QSER1: variants seen among roughly 807,000 people sequenced by gnomAD.
QSER1 encodes glutamine and serine-rich protein 1.
A neutral mutation model predicts 158.5 loss-of-function variants in QSER1; 49 were observed. The ratio of observed to expected loss-of-function variants is 0.31; its 90% CI spans 0.25 to 0.39. The LOEUF is 0.39. Among genes scored for constraint, QSER1 ranks in the 10% least tolerant of loss-of-function variants. The pLI, the probability that QSER1 is intolerant of heterozygous loss-of-function variation, is 1.00. For synonymous variants in QSER1, 650 were observed against 715.5 expected, an observed-to-expected ratio of 0.91 and a Z score of 1.46; for missense variants, 1,754 against 2,010.3, an observed-to-expected ratio of 0.87 and a Z score of 2.44.
Position 32,934,021 on chromosome 11 carries a change from A to C in QSER1, c.2763A>C (p.Glu921Asp). 6.2e-7 allele frequency: 1 copy of C among 1,613,678 alleles called. No individual in the cohort carries two copies. Among genetic ancestry groups the C allele is most frequent in the Non-Finnish European group, 8.5e-7 (1 of 1,179,886 alleles). Reference sequence around the variant, plus strand: ...AGCAACTCCATCCTCAAAATTCTGAAGTTATGAAAATGGACCTCTCTGAGT... The same window carrying C: ...AGCAACTCCATCCTCAAAATTCTGACGTTATGAAAATGGACCTCTCTGAGT... ...SQQQLHPQNS[E>D]VMKMDLSESS... The change falls in exon 4 of 13, where the codon GAA becomes GAC. Residue 921 changes from glutamate to aspartate, a missense_variant. Physicochemically the swap from Glu to Asp is conservative, Grantham distance 45. Coordinates refer to ENST00000650167, the MANE Select transcript of QSER1 (RefSeq NM_001076786.3).
chr11:32,930,234 G>A (rs1447048420), intron 3 of QSER1, among the ~76,000 whole-genome samples: 1 of 152,146 alleles, frequency 6.6e-6, no homozygotes, highest in East Asian at 1.9e-4. Context: ...AATATCACTT[G>A]ACCCTCAGCA....
Position 32,979,066 on chromosome 11 carries a change from T to A in QSER1, c.*2592T>A, listed in dbSNP as rs966660365. ...ACTGTAGGCAGTTGTAACACAATGG[T>A]ATTTGTGTATCTAGACATAGAAAAC... On this transcript the variant is annotated 3_prime_UTR_variant, in exon 13 of 13. Transcript: ENST00000650167. 1 of 152,352 alleles carries A rather than the reference T, an allele frequency of 6.6e-6. No homozygotes were observed. The highest frequency in any genetic ancestry group is 1.5e-5 in the Non-Finnish European group (1 of 68,044). The allele number at this position is 152,352 out of a possible 1,614,324, so 9.4% of individuals were successfully genotyped here.
At chr11:32,904,189 CTTTTTTTT>C (rs370789790) in intron 1 of QSER1, among the ~76,000 whole-genome samples, 6 of 137,230 alleles carry the variant, frequency 4.4e-5, no homozygotes, top group Admixed American at 2.9e-4. Flanking sequence ...ATTTCTTTTT[CTTTTTTTT>C]TTTTTTTTGT....
chr11:32,968,095 G>A (rs1852782389), intron 9 of QSER1, among the ~76,000 whole-genome samples: 1 of 152,028 alleles, frequency 6.6e-6, no homozygotes, highest in African/African-American at 2.4e-5. Context: ...GCTTATCAGT[G>A]TTTTCTGATT....
In QSER1 at chr11:32,904,267, A is replaced by G. The variant is rs1224953711; in HGVS notation, c.209+10933A>G. 3.3e-5 allele frequency among the ~76,000 whole-genome samples: 5 copies of G among 149,260 alleles called. 1 individual carries two copies. Among genetic ancestry groups the G allele is most frequent in the Non-Finnish European group, 7.4e-5 (5 of 67,686 alleles). On this transcript the variant is annotated intron_variant, in intron 1 of 12. Coordinates refer to ENST00000650167, the MANE Select transcript of QSER1 (RefSeq NM_001076786.3). ...GAGTGCAGTGGTGCAATCTCAGCTC[A>G]CTGCAACCTCCAACTCCCAGGTTCA... is the stretch of plus-strand genomic sequence containing the variant.
At chr11:32,912,585 G>T (rs891593975) in intron 1 of QSER1, among the ~76,000 whole-genome samples, 2 of 151,900 alleles carry the variant, frequency 1.3e-5, no homozygotes, top group African/African-American at 4.8e-5. Flanking sequence ...AAACTAACCA[G>T]GCGATGCTGA....
chr11:32,895,504 A>G (rs918154256), intron 1 of QSER1, among the ~76,000 whole-genome samples: 9 of 152,240 alleles, frequency 5.9e-5, no homozygotes, highest in African/African-American at 2.2e-4. Flanking sequence ...AAGTCTAAAT[A>G]TTCTACACTT....
At position 32,920,248 on chromosome 11, in the gene QSER1, C is replaced by T. The variant is rs151256958; in HGVS notation, c.210-6909C>T. On this transcript the variant is annotated intron_variant, in intron 1 of 12. Coordinates refer to ENST00000650167, the MANE Select transcript of QSER1 (RefSeq NM_001076786.3). ...TGATCATTTTAAAAGCATATAAAAT[C>T]GTAAGAGTATTTTGAAAATAGCAGT... Among the ~76,000 whole-genome samples, 523 of 152,226 alleles carry T rather than the reference C, an allele frequency of 3.4e-3. 2 individuals carry two copies. The highest frequency in any genetic ancestry group is 6.1e-3 in the Non-Finnish European group (416 of 68,012).
At chr11:32,902,016 G>A (rs1226985089) in intron 1 of QSER1, among the ~76,000 whole-genome samples, 1 of 152,196 alleles carries the variant, frequency 6.6e-6, no homozygotes, top group Non-Finnish European at 1.5e-5. Context: ...CTGGGAGGTG[G>A]AGGCTGCAGT....
At chr11:32,921,388 G>A (rs529913681) in intron 1 of QSER1, among the ~76,000 whole-genome samples, 5 of 152,132 alleles carry the variant, frequency 3.3e-5, no homozygotes, top group Admixed American at 3.3e-4. Context: ...CGTTTATTTG[G>A]GGGGGATGAT....
chr11:32,908,587 T>G (rs1851723028), intron 1 of QSER1, among the ~76,000 whole-genome samples: 1 of 152,206 alleles, frequency 6.6e-6, no homozygotes, highest in South Asian at 2.1e-4. Context: ...ATAGGATTTT[T>G]GGTAAAGATC....
At chr11:32,903,081 G>A (rs1851645798) in intron 1 of QSER1, among the ~76,000 whole-genome samples, 1 of 152,130 alleles carries the variant, frequency 6.6e-6, no homozygotes, top group South Asian at 2.1e-4. Flanking sequence ...AGAATACTTT[G>A]AAGAAGGATG....
intron 4 of QSER1, among the ~76,000 whole-genome samples, chr11:32,938,330 C>T (rs546580081): frequency 3.9e-5 from 6 of 152,204 alleles, no homozygotes; most frequent in Admixed American, 3.9e-4. Context: ...TGAAGTGTAG[C>T]AGGTACTCAA....
rs1301620729 is a variant in QSER1 at position 32,955,426 on chromosome 11, A to G, written c.4617+14A>G. 4 of 1,272,102 alleles carry G rather than the reference A, an allele frequency of 3.1e-6. No homozygotes were observed. The highest frequency in any genetic ancestry group is 2.1e-5 in the Admixed American group (1 of 47,432). The allele number at this position is 1,272,102 out of a possible 1,614,324, so 78.8% of individuals were successfully genotyped here. ...GCTACAAATAGTGTAAGTAAAATGCATGTTTACATTAGCCTTATTTTGACA... is the reference window on the plus strand; with the variant it reads ...GCTACAAATAGTGTAAGTAAAATGCGTGTTTACATTAGCCTTATTTTGACA... On this transcript the variant is annotated intron_variant, in intron 6 of 12. Coordinates refer to ENST00000650167, the MANE Select transcript of QSER1 (RefSeq NM_001076786.3).
intron 1 of QSER1, among the ~76,000 whole-genome samples, chr11:32,901,833 C>T (rs1439990431): frequency 2.6e-5 from 4 of 152,192 alleles, no homozygotes; most frequent in South Asian, 4.1e-4. Flanking sequence ...CCCATAATCC[C>T]AGCACTTTGG....
chr11:32,931,740 T>C lies in QSER1; in HGVS notation c.485-3T>C, dbSNP rs1474706063. 9 of 1,568,538 alleles carry C rather than the reference T, an allele frequency of 5.7e-6. No individual in the cohort carries two copies. The Admixed American group carries it at 6.0e-5, about 10-fold the overall frequency. Reference sequence around the variant, plus strand: ...TAAAAATCTTTGTGCCTTTTCTTCATAGGCATGCATTCCTCAGCAGCAACT... The same window carrying C: ...TAAAAATCTTTGTGCCTTTTCTTCACAGGCATGCATTCCTCAGCAGCAACT... On this transcript the variant is annotated splice_polypyrimidine_tract_variant and splice_region_variant and intron_variant, in intron 3 of 12. Transcript: ENST00000650167.
chr11:32,931,654 T>C (rs1196354702), intron 3 of QSER1, 89 bp from the exon 4 acceptor site: 2 of 1,025,044 alleles, frequency 2.0e-6, no homozygotes, highest in Non-Finnish European at 2.8e-6. Flanking sequence ...GACATTTTGA[T>C]GAGTTGAGGG....
At chr11:32,904,361 T>A (rs1318983520) in intron 1 of QSER1, among the ~76,000 whole-genome samples, 1 of 151,932 alleles carries the variant, frequency 6.6e-6, no homozygotes, top group Non-Finnish European at 1.5e-5. Context: ...TCAGCTGATT[T>A]TTGTATTTTT....
At chr11:32,897,652 C>T (rs1170864718) in intron 1 of QSER1, among the ~76,000 whole-genome samples, 2 of 152,178 alleles carry the variant, frequency 1.3e-5, no homozygotes, top group African/African-American at 2.4e-5. Context: ...CTTTCTCCTG[C>T]GGACTCACAT....
Sources: allele counts gnomAD v4.1 joint callset (sites outside exome capture counted in the v4.1 genomes callset), GRCh38; gene constraint gnomAD v4.1.1; transcripts MANE v1.5; gene names NCBI Gene and HGNC (gene_info 2026-07-23, HGNC 2026-07-21).